The following RARB variants were observed in gnomAD, a reference collection of about 807,000 sequenced individuals.
RARB encodes HBV-activated protein.
A neutral mutation model predicts 51.9 loss-of-function variants in RARB; 17 were observed. The ratio of observed to expected loss-of-function variants is 0.33; its 90% CI spans 0.22 to 0.49. The LOEUF is 0.49. Among genes scored for constraint, RARB ranks in the 20% least tolerant of loss-of-function variants. RARB has a pLI of 0.99. For synonymous variants in RARB, 215 were observed against 195.4 expected (o/e 1.10, Z -0.84); for missense variants, 369 against 550.8 (o/e 0.67, Z 3.30).
At chr3:25,188,927 C>T (rs1188444374) in intron 5 of RARB, among the ~76,000 whole-genome samples, 2 of 152,062 alleles carry the variant, frequency 1.3e-5, no homozygotes, top group East Asian at 1.9e-4. Flanking sequence ...CAGGTTGAAG[C>T]CCATTTGAGG....
intron 2 of RARB, among the ~76,000 whole-genome samples, chr3:24,999,707 C>T (rs1015429709): frequency 4.6e-5 from 7 of 152,134 alleles, no homozygotes; most frequent in African/African-American, 1.4e-4. Context: ...CTTGCTTCAG[C>T]ACAAAAGACT....
chr3:25,538,459 A>G (rs1015712759), intron 3 of RARB, among the ~76,000 whole-genome samples: 3 of 152,214 alleles, frequency 2.0e-5, no homozygotes, highest in Admixed American at 6.5e-5. Context: ...ATATAGAATT[A>G]CGTTCATAAT....
intron 3 of RARB, among the ~76,000 whole-genome samples, chr3:25,539,904 G>A (rs897623049): frequency 2.6e-5 from 4 of 152,092 alleles, no homozygotes; most frequent in Admixed American, 2.6e-4. Flanking sequence ...CTTTATATAT[G>A]AATTTTTTTC....
chr3:24,999,315 C>T (rs1697108932), intron 2 of RARB, among the ~76,000 whole-genome samples: 1 of 152,160 alleles, frequency 6.6e-6, no homozygotes, highest in Non-Finnish European at 1.5e-5. Context: ...AAAACCCTTT[C>T]TACCCCATAC....
chr3:25,373,616 A>C (rs932314783), intron 5 of RARB, among the ~76,000 whole-genome samples: 2 of 152,186 alleles, frequency 1.3e-5, no homozygotes, highest in African/African-American at 2.4e-5. Context: ...GTTCTACAGC[A>C]CTTAAATAAT....
chr3:25,022,792 G>A (rs1312669878), intron 2 of RARB, among the ~76,000 whole-genome samples: 1 of 152,176 alleles, frequency 6.6e-6, no homozygotes, highest in African/African-American at 2.4e-5. Context: ...GTAAAGATGA[G>A]TGGCAAGAAG....
intron 3 of RARB, among the ~76,000 whole-genome samples, chr3:25,533,158 TATAA>T (rs377326003): frequency 1.5e-3 from 231 of 152,352 alleles, no homozygotes; most frequent in African/African-American, 5.3e-3. Flanking sequence ...GCTCTATTTT[TATAA>T]ATAAAGTGAA....
intron 2 of RARB, among the ~76,000 whole-genome samples, chr3:24,923,160 T>C (rs763658183): frequency 3.9e-5 from 6 of 152,182 alleles, no homozygotes; most frequent in Non-Finnish European, 7.4e-5. Context: ...CTGGGAAATC[T>C]ACTGCAAAAC....
chr3:24,892,468 A>T (rs1005771593), intron 2 of RARB, among the ~76,000 whole-genome samples: 1 of 152,164 alleles, frequency 6.6e-6, no homozygotes, highest in Non-Finnish European at 1.5e-5. Flanking sequence ...CAAAATAAAT[A>T]TGTTCCTTGC....
At chr3:25,105,234 C>T (rs1294994036) in intron 3 of RARB, among the ~76,000 whole-genome samples, 1 of 151,968 alleles carries the variant, frequency 6.6e-6, no homozygotes, top group Admixed American at 6.6e-5. Context: ...ATCTACACAC[C>T]ACTGGACTTT....
chr3:25,274,180 A>G (rs1018181228), intron 5 of RARB, among the ~76,000 whole-genome samples: 6 of 152,266 alleles, frequency 3.9e-5, no homozygotes, highest in Admixed American at 1.3e-4. Flanking sequence ...CATTTAACCC[A>G]GCATATTTAA....
intron 5 of RARB, among the ~76,000 whole-genome samples, chr3:25,179,303 T>C (rs560821050): frequency 6.6e-6 from 1 of 152,212 alleles, no homozygotes; most frequent in East Asian, 1.9e-4. Flanking sequence ...GTGGATCCTG[T>C]TTTAAGTATA....
At chr3:24,906,273 C>T (rs1694862308) in intron 2 of RARB, among the ~76,000 whole-genome samples, 1 of 152,138 alleles carries the variant, frequency 6.6e-6, no homozygotes, top group South Asian at 2.1e-4. Context: ...GAGCTTAGGG[C>T]TGGAATGATG....
intron 2 of RARB, among the ~76,000 whole-genome samples, chr3:24,900,085 A>G (rs998131287): frequency 1.1e-4 from 17 of 152,246 alleles, no homozygotes; most frequent in African/African-American, 4.1e-4. Context: ...GGCAAGTCCC[A>G]TCTATTAAGT....
chr3:25,035,272 C>T (rs1697965416), intron 2 of RARB, among the ~76,000 whole-genome samples: 1 of 152,132 alleles, frequency 6.6e-6, no homozygotes, highest in Admixed American at 6.5e-5. Context: ...CAAGCACATG[C>T]CACCAACCCT....
At chr3:25,073,597 C>A (rs1319121523) in intron 3 of RARB, among the ~76,000 whole-genome samples, 2 of 152,182 alleles carry the variant, frequency 1.3e-5, no homozygotes, top group African/African-American at 2.4e-5. Context: ...ACTCATCTGA[C>A]CCTTGGACCC....
chr3:25,210,104 A>G (rs192156107), intron 5 of RARB, among the ~76,000 whole-genome samples: 21 of 152,228 alleles, frequency 1.4e-4, no homozygotes, highest in Middle Eastern at 3.4e-3. Context: ...AATAGGCTCT[A>G]TTGCTTCTCA....
chr3:25,328,452 A>G (rs1704789724), intron 5 of RARB, among the ~76,000 whole-genome samples: 1 of 152,250 alleles, frequency 6.6e-6, no homozygotes, highest in Non-Finnish European at 1.5e-5. Flanking sequence ...CCCAAGAAGC[A>G]GAGGTTGCAG....
chr3:25,531,387 GGTAGATAGA>G (rs1559453866), intron 3 of RARB, among the ~76,000 whole-genome samples: 16 of 102,808 alleles, frequency 1.6e-4, no homozygotes, highest in African/African-American at 8.8e-4. Context: ...TAGATAGATA[GGTAGATAGA>G]TAGATAGATA....
Sources: gnomAD v4.1 joint callset for allele counts (sites outside exome capture counted in the v4.1 genomes callset) on GRCh38, gnomAD v4.1.1 for gene constraint, MANE v1.5 for transcripts, NCBI Gene and HGNC (gene_info 2026-07-23, HGNC 2026-07-21) for gene names.